ADAMTS3: variants seen among roughly 807,000 people sequenced by gnomAD.
The protein encoded by ADAMTS3 is ADAM metallopeptidase with thrombospondin type 1 motif 3.
A neutral mutation model predicts 129.0 loss-of-function variants in ADAMTS3; 73 were observed. The observed-to-expected ratio is 0.57, with a 90% CI of 0.47 to 0.69. The LOEUF (loss-of-function observed/expected upper bound fraction) is 0.69. Among genes scored for constraint, ADAMTS3 ranks in the 30% least tolerant of loss-of-function variants. The pLI, the probability that ADAMTS3 is intolerant of heterozygous loss-of-function variation, is 0.00. For synonymous variants in ADAMTS3, 477 were observed against 510.8 expected, an observed-to-expected ratio of 0.93 and a Z score of 0.89; for missense variants, 1,457 against 1,514.5, an observed-to-expected ratio of 0.96 and a Z score of 0.63.
At chr4:72,446,311 C>T (rs1042368123) in intron 3 of ADAMTS3, among the ~76,000 whole-genome samples, 2 of 151,686 alleles carry the variant, frequency 1.3e-5, no homozygotes, top group African/African-American at 2.4e-5. Flanking sequence ...GATCTCACTG[C>T]CAGGATTGGG....
chr4:72,543,419 T>A (rs1323021029), intron 3 of ADAMTS3, among the ~76,000 whole-genome samples: 1 of 152,170 alleles, frequency 6.6e-6, no homozygotes, highest in Non-Finnish European at 1.5e-5. Flanking sequence ...TACACTCATG[T>A]TAATGGCAGC....
At chr4:72,284,667 A>T in intron 21 of ADAMTS3, among the ~76,000 whole-genome samples, 1 of 152,230 alleles carries the variant, frequency 6.6e-6, no homozygotes, top group East Asian at 1.9e-4. Flanking sequence ...TTGAATTGAC[A>T]GCACTTTGTC....
At chr4:72,461,799 T>G (rs552634599) in intron 3 of ADAMTS3, among the ~76,000 whole-genome samples, 11 of 152,088 alleles carry the variant, frequency 7.2e-5, no homozygotes, top group Non-Finnish European at 1.5e-4. Context: ...GCAATTCAGT[T>G]TTCACTCACA....
chr4:72,291,103 T>C (rs1440234827), intron 19 of ADAMTS3, 41 bp from the exon 20 acceptor site: 4 of 1,601,940 alleles, frequency 2.5e-6, no homozygotes, highest in Non-Finnish European at 3.4e-6. Context: ...ATCACTGGTA[T>C]GTATAGTGTA....
chr4:72,447,624 G>T (rs950749799), intron 3 of ADAMTS3, among the ~76,000 whole-genome samples: 2 of 151,692 alleles, frequency 1.3e-5, no homozygotes, highest in Admixed American at 1.3e-4. Context: ...TGAGATGTGA[G>T]AAAATGACCT....
At chr4:72,330,926 C>T (rs1719835044) in intron 5 of ADAMTS3, among the ~76,000 whole-genome samples, 1 of 152,078 alleles carries the variant, frequency 6.6e-6, no homozygotes, top group Non-Finnish European at 1.5e-5. Context: ...ATGGTTCGCA[C>T]AGGAATCTAT....
intron 19 of ADAMTS3, among the ~76,000 whole-genome samples, chr4:72,292,778 CA>C (rs1329044004): frequency 1.3e-5 from 2 of 152,080 alleles, no homozygotes; most frequent in Non-Finnish European, 2.9e-5. Flanking sequence ...TATGAGGCAC[CA>C]AAATATAACC....
At chr4:72,416,235 T>C (rs1019072265) in intron 3 of ADAMTS3, among the ~76,000 whole-genome samples, 6 of 80,524 alleles carry the variant, frequency 7.5e-5, no homozygotes, top group Non-Finnish European at 1.5e-4. Flanking sequence ...TTAGCAAATA[T>C]GCCTATGACT....
intron 15 of ADAMTS3, among the ~76,000 whole-genome samples, chr4:72,306,719 A>G (rs1719098390): frequency 6.6e-6 from 1 of 151,988 alleles, no homozygotes; most frequent in African/African-American, 2.4e-5. Flanking sequence ...AAATGTGTGC[A>G]AGATGTGTTA....
chr4:72,512,742 AC>A (rs1720349835), intron 3 of ADAMTS3, among the ~76,000 whole-genome samples: 1 of 152,144 alleles, frequency 6.6e-6, no homozygotes, highest in Admixed American at 6.5e-5. Flanking sequence ...CTATGTACCC[AC>A]AAAAATTAAA....
intron 3 of ADAMTS3, among the ~76,000 whole-genome samples, chr4:72,485,186 T>C (rs1490220371): frequency 6.6e-6 from 1 of 152,206 alleles, no homozygotes; most frequent in Non-Finnish European, 1.5e-5. Flanking sequence ...GATCCGTAGT[T>C]CAAAGAAATG....
At chr4:72,284,319 C>T (rs1342530296) in intron 21 of ADAMTS3, among the ~76,000 whole-genome samples, 1 of 152,032 alleles carries the variant, frequency 6.6e-6, no homozygotes, top group African/African-American at 2.4e-5. Flanking sequence ...GTGGCAGGCG[C>T]CTGTAGTCCC....
At chr4:72,302,098 A>T (rs1718964857) in intron 17 of ADAMTS3, among the ~76,000 whole-genome samples, 1 of 152,160 alleles carries the variant, frequency 6.6e-6, no homozygotes, top group Non-Finnish European at 1.5e-5. Flanking sequence ...TTAAAGGATC[A>T]GAATGATCTG....
chr4:72,551,105 T>C (rs1578789344), intron 2 of ADAMTS3, among the ~76,000 whole-genome samples: 1 of 152,144 alleles, frequency 6.6e-6, no homozygotes, highest in Non-Finnish European at 1.5e-5. Flanking sequence ...ATCTCAGTTA[T>C]AGCTTTTTCT....
At chr4:72,560,301 A>G (rs146059062) in intron 2 of ADAMTS3, among the ~76,000 whole-genome samples, 9 of 152,252 alleles carry the variant, frequency 5.9e-5, no homozygotes, top group African/African-American at 1.9e-4. Flanking sequence ...CAAAGATTTC[A>G]TAACAAAATC....
At position 72,312,494 on chromosome 4, in the gene ADAMTS3, C is replaced by G. The variant is rs987507387; in HGVS notation, c.1746-28G>C. 19 of 1,609,388 alleles carry G rather than the reference C, an allele frequency of 1.2e-5. No homozygotes were observed. The African/African-American group carries it at 1.2e-4, about 10-fold the overall frequency. On this transcript the variant is annotated intron_variant, in intron 12 of 21. Transcript: ENST00000286657. The stretch of plus-strand genomic sequence containing the variant: ...AAAGAAAAGACAACATTTAAAAAGG[C>G]CTTTTGGCTTCTGTCTAGCAGTTGA...
At chr4:72,296,177 G>A (rs1718802609) in intron 18 of ADAMTS3, among the ~76,000 whole-genome samples, 1 of 152,004 alleles carries the variant, frequency 6.6e-6, no homozygotes, top group South Asian at 2.1e-4. Flanking sequence ...ACTTGGAGGG[G>A]AGGGGAAAGC....
At chr4:72,326,196 T>C (rs1719693724) in intron 5 of ADAMTS3, among the ~76,000 whole-genome samples, 1 of 152,090 alleles carries the variant, frequency 6.6e-6, no homozygotes, top group Non-Finnish European at 1.5e-5. Flanking sequence ...GTAGAAATAA[T>C]CTAATACAAG....
intron 3 of ADAMTS3, among the ~76,000 whole-genome samples, chr4:72,416,487 T>C (rs371572992): frequency 6.6e-6 from 1 of 152,220 alleles, no homozygotes; most frequent in South Asian, 2.1e-4. Context: ...TCTTGGCCCA[T>C]ACCCTCTGGA....
Sources: allele counts gnomAD v4.1 joint callset (sites outside exome capture counted in the v4.1 genomes callset), GRCh38; gene constraint gnomAD v4.1.1; transcripts MANE v1.5; gene names NCBI Gene and HGNC (gene_info 2026-07-23, HGNC 2026-07-21).